The following CTNNA3 variants were observed in gnomAD, a reference collection of about 807,000 sequenced individuals.
The protein encoded by CTNNA3 is catenin alpha 3.
A neutral mutation model predicts 95.7 loss-of-function variants in CTNNA3; 76 were observed. The observed-to-expected ratio is 0.79, with a 90% CI of 0.66 to 0.96. CTNNA3 has a LOEUF of 0.96. Ranked by LOEUF, CTNNA3 falls within the 40% of genes least tolerant of loss-of-function variation. CTNNA3 has a pLI of 0.00. For missense variants in CTNNA3, 1,191 were observed against 1,089.8 expected, an observed-to-expected ratio of 1.09 and a Z score of -1.31; for synonymous variants, 431 against 374.4, an observed-to-expected ratio of 1.15 and a Z score of -1.74.
At chr10:67,149,948 T>C (rs554272835) in intron 7 of CTNNA3, among the ~76,000 whole-genome samples, 69 of 152,314 alleles carry the variant, frequency 4.5e-4, no homozygotes, top group African/African-American at 1.6e-3. Context: ...TAATAAATAA[T>C]TCACACTATT....
At chr10:66,713,962 A>G (rs953414987) in intron 9 of CTNNA3, among the ~76,000 whole-genome samples, 1 of 152,136 alleles carries the variant, frequency 6.6e-6, no homozygotes, top group Non-Finnish European at 1.5e-5. Flanking sequence ...ATAATATTTT[A>G]AAGTATAAGG....
intron 1 of CTNNA3, among the ~76,000 whole-genome samples, chr10:67,742,590 A>C (rs1841346914): frequency 6.6e-6 from 1 of 151,242 alleles, no homozygotes; most frequent in African/African-American, 2.4e-5. Context: ...CAATTAAAAG[A>C]GCTAGAAAAG....
intron 10 of CTNNA3, among the ~76,000 whole-genome samples, chr10:66,616,616 T>C (rs1022242358): frequency 6.6e-6 from 1 of 152,060 alleles, no homozygotes; most frequent in Admixed American, 6.6e-5. Context: ...TACCTATAAC[T>C]GGGCAAAGCT....
intron 7 of CTNNA3, among the ~76,000 whole-genome samples, chr10:67,072,527 G>A (rs928058903): frequency 2.6e-5 from 4 of 152,104 alleles, no homozygotes; most frequent in Admixed American, 2.0e-4. Context: ...TCTCACTTTC[G>A]ATATTAAGCA....
At chr10:66,972,437 G>A (rs1262521802) in intron 7 of CTNNA3, among the ~76,000 whole-genome samples, 8 of 152,018 alleles carry the variant, frequency 5.3e-5, no homozygotes, top group Non-Finnish European at 8.8e-5. Context: ...CCTAAGGCAC[G>A]CACCACTGTG....
chr10:66,986,557 G>A (rs1850740351), intron 7 of CTNNA3, among the ~76,000 whole-genome samples: 1 of 151,996 alleles, frequency 6.6e-6, no homozygotes, highest in African/African-American at 2.4e-5. Context: ...ACAATACATT[G>A]AAAAAACTAA....
chr10:66,613,085 T>C (rs1021283834), intron 10 of CTNNA3, among the ~76,000 whole-genome samples: 3 of 152,144 alleles, frequency 2.0e-5, no homozygotes, highest in African/African-American at 7.2e-5. Context: ...ACCATGATTA[T>C]AAATGAGGCT....
rs557361008 is a variant in CTNNA3, at chr10:66,264,987, C to T, written c.1884+15483G>A. On this transcript the variant is annotated intron_variant, in intron 13 of 17. Transcript: ENST00000433211. Reference sequence around the variant, plus strand: ...GAGAAAACTGAAACAGTTAAACTGACCAATTATCAAGACTAGTAAGCTCAT... The same window carrying T: ...GAGAAAACTGAAACAGTTAAACTGATCAATTATCAAGACTAGTAAGCTCAT... 2.0e-5 allele frequency among the ~76,000 whole-genome samples: 3 copies of T among 152,156 alleles called. No homozygotes were observed. In the South Asian group the frequency reaches 6.2e-4, roughly 32 times the overall value.
chr10:67,732,619 T>C (rs1352937919), intron 1 of CTNNA3, among the ~76,000 whole-genome samples: 1 of 152,190 alleles, frequency 6.6e-6, no homozygotes, highest in Non-Finnish European at 1.5e-5. Context: ...TCACTACATA[T>C]TTAGTTGAAT....
rs551509208 is a variant in CTNNA3, at chr10:66,382,112, T to A, written c.1532-2760A>T. Among the ~76,000 whole-genome samples, 257 of 152,178 alleles carry A rather than the reference T, an allele frequency of 1.7e-3. 1 individual carries two copies. Among genetic ancestry groups the A allele is most frequent in the African/African-American group, 5.8e-3 (239 of 41,544 alleles). On this transcript the variant is annotated intron_variant, in intron 11 of 17. Coordinates refer to ENST00000433211, the MANE Select transcript of CTNNA3 (RefSeq NM_013266.4). ...TGGGTGCAGCTCACAAGGGGTGAGC[T>A]GAAGCAGGACAGGGTGTTGCCTCAC...
chr10:67,542,370 G>A (rs1840709142), intron 3 of CTNNA3, among the ~76,000 whole-genome samples: 1 of 151,886 alleles, frequency 6.6e-6, no homozygotes, highest in Admixed American at 6.6e-5. Context: ...TTTTCTTCTG[G>A]ATCATAAAAC....
At chr10:66,201,203 A>C (rs142192819) in intron 13 of CTNNA3, among the ~76,000 whole-genome samples, 1 of 152,288 alleles carries the variant, frequency 6.6e-6, no homozygotes, top group Non-Finnish European at 1.5e-5. Context: ...CTCACTACCC[A>C]GACAAATATT....
intron 1 of CTNNA3, among the ~76,000 whole-genome samples, chr10:67,726,432 C>CATATATAATATCATATATT (rs1491155133): frequency 1.9e-5 from 1 of 51,408 alleles, no homozygotes; most frequent in Non-Finnish European, 2.8e-5. Flanking sequence ...TATATTATAT[C>CATATATAATATCATATATT]ATATATAATA....
At chr10:66,810,262 T>C (rs966523572) in intron 7 of CTNNA3, among the ~76,000 whole-genome samples, 1 of 152,196 alleles carries the variant, frequency 6.6e-6, no homozygotes, top group Non-Finnish European at 1.5e-5. Flanking sequence ...CATCTAAATA[T>C]ACCAATATAG....
chr10:66,757,383 G>A (rs1300225985), intron 9 of CTNNA3, among the ~76,000 whole-genome samples: 1 of 152,142 alleles, frequency 6.6e-6, no homozygotes, highest in African/African-American at 2.4e-5. Context: ...AAGTAAGGAA[G>A]CTAACTAGTA....
chr10:66,159,212 G>T (rs889091087), intron 13 of CTNNA3, among the ~76,000 whole-genome samples: 1 of 152,026 alleles, frequency 6.6e-6, no homozygotes, highest in South Asian at 2.1e-4. Context: ...GTAGTGGTGA[G>T]AGTGGGCACG....
chr10:66,990,065 A>C (rs1372720748), intron 7 of CTNNA3, among the ~76,000 whole-genome samples: 1 of 152,218 alleles, frequency 6.6e-6, no homozygotes, highest in African/African-American at 2.4e-5. Context: ...AGCTCATCTC[A>C]CTATGAGATG....
intron 3 of CTNNA3, among the ~76,000 whole-genome samples, chr10:67,546,097 C>G (rs1344288771): frequency 6.6e-6 from 1 of 151,986 alleles, no homozygotes; most frequent in Non-Finnish European, 1.5e-5. Flanking sequence ...TTTTAATTTT[C>G]AAAAAATTGA....
chr10:66,396,452 TA>T (rs1473757855), intron 11 of CTNNA3, among the ~76,000 whole-genome samples: 1 of 152,036 alleles, frequency 6.6e-6, no homozygotes, highest in African/African-American at 2.4e-5. Flanking sequence ...ATTAAAATGT[TA>T]AGAGAGTAAT....
Sources: gnomAD v4.1 joint callset for allele counts (sites outside exome capture counted in the v4.1 genomes callset) on GRCh38, gnomAD v4.1.1 for gene constraint, MANE v1.5 for transcripts, NCBI Gene and HGNC (gene_info 2026-07-23, HGNC 2026-07-21) for gene names.